Variants in TOPAZ1 observed in about 807,000 individuals in gnomAD.
TOPAZ1 encodes protein TOPAZ1.
In TOPAZ1, 66 loss-of-function variants were observed where a neutral mutation model predicts 172.2. That is an observed-to-expected ratio of 0.38 (90% CI 0.31 to 0.47). The LOEUF is 0.47. Among genes scored for constraint, TOPAZ1 ranks in the 20% least tolerant of loss-of-function variants. The pLI is 0.99. For missense variants in TOPAZ1, 1,822 were observed against 1,972.4 expected (o/e 0.92, Z 1.44); for synonymous variants, 681 against 683.9 (o/e 1.00, Z 0.07).
chr3:44,254,221 A>T lies in TOPAZ1; in HGVS notation c.2766-747A>T, dbSNP rs78419780. 8.4e-3 allele frequency among the ~76,000 whole-genome samples: 1,273 copies of T among 152,326 alleles called. 19 individuals are homozygous for T. Among genetic ancestry groups the T allele is most frequent in the African/African-American group, 0.029 (1,217 of 41,560 alleles). ...CCAGACTGGTCTAACTCTGTTCTAC[A>T]TATTCTTAATCTTTAGACTGTAAGT... On this transcript the variant is annotated intron_variant, in intron 2 of 19. Transcript: ENST00000309765.
At chr3:44,288,678 A>C (rs1270994460) in intron 11 of TOPAZ1, among the ~76,000 whole-genome samples, 1 of 152,214 alleles carries the variant, frequency 6.6e-6, no homozygotes, top group African/African-American at 2.4e-5. Flanking sequence ...CTCCATCTCA[A>C]AAAATAAAAA....
downstream of TOPAZ1, among the ~76,000 whole-genome samples, chr3:44,336,188 C>T (rs1279966118): frequency 1.3e-5 from 2 of 152,136 alleles, no homozygotes; most frequent in Admixed American, 6.5e-5. Context: ...TGCAGGGGCT[C>T]TTTTGGTGAA....
At chr3:44,316,003 G>A (rs1700447604) in intron 16 of TOPAZ1, among the ~76,000 whole-genome samples, 1 of 152,094 alleles carries the variant, frequency 6.6e-6, no homozygotes, top group Non-Finnish European at 1.5e-5. Flanking sequence ...GGGAGGCCGA[G>A]GCAGTTGGAT....
chr3:44,252,471 G>A (rs929748404), intron 2 of TOPAZ1, among the ~76,000 whole-genome samples: 2 of 152,218 alleles, frequency 1.3e-5, no homozygotes, highest in African/African-American at 2.4e-5. Context: ...AGTCTAAATT[G>A]CTTGGCATGG....
In TOPAZ1 at chr3:44,242,325, C is replaced by A. The variant is rs1401363614; in HGVS notation, c.272C>A (p.Pro91Gln). 6.4e-7 allele frequency: 1 copy of A among 1,552,084 alleles called. No individual in the cohort carries two copies. Among genetic ancestry groups the A allele is most frequent in the Non-Finnish European group, 8.7e-7 (1 of 1,147,048 alleles). ...QVEGRRGPVSPSDSSDPRGLE... is the reference protein window; with the variant it reads ...QVEGRRGPVSQSDSSDPRGLE... ...GAGGGGCGCAGGGGCCCGGTGAGCC[C>A]GTCAGACTCGTCAGACCCGCGAGGC... Residue 91 changes from proline (P) to glutamine (Q), a missense_variant, in exon 1 of 20, where the codon CCG becomes CAG. Coordinates refer to ENST00000309765, the MANE Select transcript of TOPAZ1 (RefSeq NM_001145030.2).
intron 11 of TOPAZ1, among the ~76,000 whole-genome samples, chr3:44,288,784 G>A (rs867147706): frequency 5.9e-5 from 9 of 152,068 alleles, no homozygotes; most frequent in Admixed American, 4.6e-4. Flanking sequence ...AATGTACCCC[G>A]CAGTGACTGT....
At chr3:44,292,147 C>T (rs1700144889) in intron 12 of TOPAZ1, among the ~76,000 whole-genome samples, 1 of 152,192 alleles carries the variant, frequency 6.6e-6, no homozygotes, top group South Asian at 2.1e-4. Flanking sequence ...TTCTTCCCTT[C>T]AATCACTAAC....
intron 2 of TOPAZ1, among the ~76,000 whole-genome samples, chr3:44,251,102 T>G (rs1699624603): frequency 6.6e-6 from 1 of 151,942 alleles, no homozygotes; most frequent in Non-Finnish European, 1.5e-5. Context: ...GGCAGTGACA[T>G]TCTGAATTTT....
downstream of TOPAZ1, among the ~76,000 whole-genome samples, chr3:44,335,493 GC>G (rs1370783091): frequency 6.6e-6 from 1 of 151,940 alleles, no homozygotes; most frequent in East Asian, 1.9e-4. Flanking sequence ...GCGCGGTGGT[GC>G]ACACCTATAA....
At chr3:44,305,425 A>G (rs1212340904) in intron 14 of TOPAZ1, 104 bp downstream of exon 14, 5 of 1,012,942 alleles carry the variant, frequency 4.9e-6, no homozygotes, top group Non-Finnish European at 6.9e-6. Context: ...GCTGGAGTAC[A>G]GGGGTGCGGT....
At chr3:44,308,688 T>C (rs1700363153) in intron 15 of TOPAZ1, among the ~76,000 whole-genome samples, 1 of 152,184 alleles carries the variant, frequency 6.6e-6, no homozygotes, top group African/African-American at 2.4e-5. Flanking sequence ...TTTTATTTGG[T>C]TATTATTTGA....
chr3:44,253,259 T>G (rs561078787), intron 2 of TOPAZ1, among the ~76,000 whole-genome samples: 19 of 152,334 alleles, frequency 1.2e-4, no homozygotes, highest in African/African-American at 4.3e-4. Flanking sequence ...AGTGTGAAGT[T>G]TATGCTAAGC....
At chr3:44,324,425 G>T (rs1700574564) in intron 18 of TOPAZ1, among the ~76,000 whole-genome samples, 1 of 151,908 alleles carries the variant, frequency 6.6e-6, no homozygotes, top group Non-Finnish European at 1.5e-5. Flanking sequence ...ACATATATGT[G>T]TGTGTGTGAT....
At chr3:44,246,740 T>G (rs1174838663) in intron 2 of TOPAZ1, among the ~76,000 whole-genome samples, 1 of 152,234 alleles carries the variant, frequency 6.6e-6, no homozygotes, top group Non-Finnish European at 1.5e-5. Context: ...TGAATCTTCT[T>G]GTTACCACCT....
intron 19 of TOPAZ1, among the ~76,000 whole-genome samples, chr3:44,330,905 A>C (rs1269358758): frequency 6.6e-6 from 1 of 152,242 alleles, no homozygotes; most frequent in East Asian, 1.9e-4. Context: ...TAATTCTGGC[A>C]CTTAAGGAAG....
chr3:44,257,707 C>G (rs1428427936), intron 4 of TOPAZ1, among the ~76,000 whole-genome samples: 1 of 151,538 alleles, frequency 6.6e-6, no homozygotes, highest in African/African-American at 2.4e-5. Flanking sequence ...ACCCATGTTG[C>G]CTTTACCTAG....
Position 44,331,894 on chromosome 3 carries a change from C to T in TOPAZ1, c.4962C>T (p.His1654=). ...RISDPKLFVK[H]MTVNVNKEQV... ...CAGATCCAAAGCTTTTCGTTAAACA[C>T]ATGACTGTCAATGTTAATAAGGAAC... The change falls in exon 20 of 20, where the codon CAC becomes CAT. Residue 1654 remains histidine (H), a synonymous_variant. Transcript: ENST00000309765. The T allele has an allele frequency of 6.4e-7, 1 of 1,551,726 alleles. No homozygotes were observed.
chr3:44,319,724 A>G (rs748786811), intron 16 of TOPAZ1, among the ~76,000 whole-genome samples: 2 of 152,222 alleles, frequency 1.3e-5, no homozygotes, highest in Non-Finnish European at 2.9e-5. Flanking sequence ...TTCCTAACAC[A>G]TAGTATAACT....
chr3:44,323,038 G>A, intron 17 of TOPAZ1, 54 bp from the exon 18 acceptor site: 2 of 1,276,370 alleles, frequency 1.6e-6, no homozygotes, highest in Non-Finnish European at 2.1e-6. Flanking sequence ...TGAGATGGAG[G>A]TTTGAGACAC....
Sources: allele counts gnomAD v4.1 joint callset (sites outside exome capture counted in the v4.1 genomes callset), GRCh38; gene constraint gnomAD v4.1.1; transcripts MANE v1.5; gene names NCBI Gene and HGNC (gene_info 2026-07-23, HGNC 2026-07-21).